LEMD3: variants seen among roughly 807,000 people sequenced by gnomAD.
LEMD3 encodes LEM domain containing 3.
LEMD3 carries 33 observed loss-of-function variants against 95.2 expected under a neutral mutation model. The observed-to-expected ratio is 0.35, with a 90% CI of 0.26 to 0.46. The LOEUF (loss-of-function observed/expected upper bound fraction) is 0.46, where lower values mean the gene tolerates loss of function less well. Ranked by LOEUF, LEMD3 falls within the 20% of genes least tolerant of loss-of-function variation. The probability of loss-of-function intolerance (pLI) is 1.00; values close to 1 mark genes in which losing one functional copy is unlikely to be tolerated. For synonymous variants in LEMD3, 525 were observed against 474.6 expected, an observed-to-expected ratio of 1.11 and a Z score of -1.38; for missense variants, 1,210 against 1,192.8, an observed-to-expected ratio of 1.01 and a Z score of -0.21.
chr12:65,182,148 T>C (rs1251730107), intron 1 of LEMD3, among the ~76,000 whole-genome samples: 1 of 152,180 alleles, frequency 6.6e-6, no homozygotes, highest in Non-Finnish European at 1.5e-5. Flanking sequence ...GATCTAACTT[T>C]AGAGTTCACA....
intron 1 of LEMD3, among the ~76,000 whole-genome samples, chr12:65,184,099 T>C (rs183860219): frequency 7.5e-4 from 114 of 152,310 alleles, no homozygotes; most frequent in Admixed American, 3.5e-3. Context: ...AAGTTCTTAT[T>C]CATCATGCTC....
intron 4 of LEMD3, among the ~76,000 whole-genome samples, chr12:65,229,784 C>G (rs968456537): frequency 6.6e-5 from 10 of 152,188 alleles, no homozygotes; most frequent in Non-Finnish European, 1.5e-4. Flanking sequence ...CCCCATTCTA[C>G]TAGTCATCTC....
intron 1 of LEMD3, among the ~76,000 whole-genome samples, chr12:65,193,775 T>TGTGTGTGTGTGG (rs61507306): frequency 6.9e-6 from 1 of 145,048 alleles, no homozygotes; most frequent in African/African-American, 2.5e-5. Flanking sequence ...TGTGTGTGTG[T>TGTGTGTGTGTGG]TGGGGGAGGG....
rs931065318 is a variant in LEMD3, at chr12:65,245,544, A to G, written c.2388-125A>G. 4.1e-6 allele frequency: 3 copies of G among 735,530 alleles called. No homozygotes were observed. The South Asian group carries it at 4.6e-5, about 11-fold the overall frequency. The allele number at this position is 735,530 out of a possible 1,614,324, so 45.6% of individuals were successfully genotyped here. A position where few individuals can be genotyped will look rare whatever the true frequency, so the allele number is the denominator to read the frequency against. ...GTCAACAAGCATTTACTTAATACCA[A>G]TTAAAATCGTATGTGGTTTTAAAAC... On this transcript the variant is annotated intron_variant, in intron 10 of 12. Coordinates refer to ENST00000308330, the MANE Select transcript of LEMD3 (RefSeq NM_014319.5).
At position 65,170,453 on chromosome 12, in the gene LEMD3, C is replaced by T. The variant is rs769441217; in HGVS notation, c.857C>T (p.Pro286Leu). 3.1e-6 allele frequency: 5 copies of T among 1,613,692 alleles called. No individual in the cohort carries two copies. Among genetic ancestry groups the T allele is most frequent in the Non-Finnish European group, 4.2e-6 (5 of 1,179,920 alleles). Reference sequence around the variant, plus strand: ...GACGACTCCCTTTCCCGGCATCGGCCCAGACGAACCCATAGTAAGCCTCTC... The same window carrying T: ...GACGACTCCCTTTCCCGGCATCGGCTCAGACGAACCCATAGTAAGCCTCTC... ...LKDDSLSRHRPRRTHSKPLPP... is the reference protein window; with the variant it reads ...LKDDSLSRHRLRRTHSKPLPP... The change falls in exon 1 of 13, where the codon CCC (proline) becomes CTC (leucine). Residue 286 changes from proline to leucine, a missense_variant. By Grantham distance (98) the Pro-to-Leu change is moderately conservative. This residue lies in a region of LEMD3 where 749 missense variants were observed against 622.9 expected (regional missense o/e 1.20). Transcript: ENST00000308330.
chr12:65,199,656 G>C lies in LEMD3; in HGVS notation c.1523-11270G>C, dbSNP rs146809610. Among the ~76,000 whole-genome samples the C allele has an allele frequency of 1.7e-3, 265 of 152,172 alleles. 3 individuals carry two copies. The East Asian group carries it at 0.019, about 11-fold the overall frequency. On this transcript the variant is annotated intron_variant, in intron 1 of 12. Coordinates refer to ENST00000308330, the MANE Select transcript of LEMD3 (RefSeq NM_014319.5). ...GAATCTTCTAGGTCTTTGCAAAAGA[G>C]AGGGAACTTTTCTTTTTCAGTTTTC...
At chr12:65,198,886 G>A (rs989337614) in intron 1 of LEMD3, among the ~76,000 whole-genome samples, 5 of 152,022 alleles carry the variant, frequency 3.3e-5, no homozygotes, top group African/African-American at 9.7e-5. Context: ...GTTCTTGAAT[G>A]CAGAACACAC....
intron 10 of LEMD3, among the ~76,000 whole-genome samples, chr12:65,244,381 A>G (rs1871032984): frequency 6.6e-6 from 1 of 151,374 alleles, no homozygotes; most frequent in South Asian, 2.1e-4. Flanking sequence ...ATCTTACCTC[A>G]TGCCTTAGGA....
At chr12:65,199,020 C>T (rs938885994) in intron 1 of LEMD3, among the ~76,000 whole-genome samples, 1 of 152,028 alleles carries the variant, frequency 6.6e-6, no homozygotes, top group African/African-American at 2.4e-5. Flanking sequence ...TTTTGAGCTG[C>T]CGGGACTTAC....
intron 1 of LEMD3, among the ~76,000 whole-genome samples, chr12:65,178,275 A>G (rs996981252): frequency 6.6e-6 from 1 of 152,176 alleles, no homozygotes; most frequent in Non-Finnish European, 1.5e-5. Context: ...GGATTTGCAT[A>G]TACCAGTTTG....
chr12:65,209,803 CT>C (rs1407365476), intron 1 of LEMD3, among the ~76,000 whole-genome samples: 1 of 151,970 alleles, frequency 6.6e-6, no homozygotes, highest in Admixed American at 6.6e-5. Flanking sequence ...CTCACATGAA[CT>C]TTCTTAGAAT....
In LEMD3 at chr12:65,170,771, A is replaced by G. The variant is rs2136313475; in HGVS notation, c.1175A>G (p.His392Arg). 6.2e-7 allele frequency: 1 copy of G among 1,614,124 alleles called. No individual in the cohort carries two copies. Among genetic ancestry groups the G allele is most frequent in the East Asian group, 2.2e-5 (1 of 44,882 alleles). The change falls in exon 1 of 13, where the codon CAT (histidine) becomes CGT (arginine). Residue 392 changes from histidine to arginine, a missense_variant. His to Arg is a conservative substitution (Grantham distance 29). Coordinates refer to ENST00000308330, the MANE Select transcript of LEMD3 (RefSeq NM_014319.5). ...GGCTCCCTTCTGAAAACCAATAATC[A>G]TATTGGCGGTGGGGCCTTCAGTGTG... ...STGSLLKTNN[H>R]IGGGAFSVDS...
At chr12:65,189,693 A>G (rs897232511) in intron 1 of LEMD3, among the ~76,000 whole-genome samples, 6 of 152,202 alleles carry the variant, frequency 3.9e-5, no homozygotes, top group African/African-American at 9.6e-5. Context: ...CAATAAGACT[A>G]ATTTGTTTGC....
Position 65,245,916 on chromosome 12 carries a change from C to T in LEMD3, c.2549C>T (p.Ala850Val). 6.2e-7 allele frequency: 1 copy of T among 1,611,812 alleles called. No individual in the cohort carries two copies. Among genetic ancestry groups the T allele is most frequent in the Non-Finnish European group, 8.5e-7 (1 of 1,178,462 alleles). The change falls in exon 12 of 13, where the codon GCA (alanine) becomes GTA (valine). Residue 850 changes from alanine to valine, a missense_variant. Transcript: ENST00000308330. ...GAATATGCTGGAAAGGCTTTTAAAG[C>T]ATTGCATGGCTCTTGGTTTGATGGT... The part of the protein sequence containing the change: ...SPEYAGKAFK[A>V]LHGSWFDGKL...
intron 1 of LEMD3, among the ~76,000 whole-genome samples, chr12:65,209,189 G>A (rs887299252): frequency 1.3e-5 from 2 of 152,110 alleles, no homozygotes; most frequent in African/African-American, 4.8e-5. Context: ...GCCCACAGTA[G>A]AGCAGTGTGG....
At chr12:65,197,857 T>A (rs750461429) in intron 1 of LEMD3, among the ~76,000 whole-genome samples, 1 of 152,150 alleles carries the variant, frequency 6.6e-6, no homozygotes, top group Non-Finnish European at 1.5e-5. Flanking sequence ...TAAGTCTTAC[T>A]CATTTTATTT....
intron 4 of LEMD3, among the ~76,000 whole-genome samples, chr12:65,219,584 C>T (rs377637150): frequency 4.6e-5 from 7 of 152,120 alleles, no homozygotes; most frequent in Non-Finnish European, 8.8e-5. Flanking sequence ...AAATATATAA[C>T]GTGAAATCTG....
At chr12:65,189,156 G>T (rs1318347155) in intron 1 of LEMD3, among the ~76,000 whole-genome samples, 1 of 152,104 alleles carries the variant, frequency 6.6e-6, no homozygotes, top group Non-Finnish European at 1.5e-5. Context: ...TGCGAATATG[G>T]TCTCTCTCAA....
intron 1 of LEMD3, among the ~76,000 whole-genome samples, chr12:65,201,552 A>G (rs908319551): frequency 6.6e-6 from 1 of 152,110 alleles, no homozygotes; most frequent in East Asian, 1.9e-4. Flanking sequence ...GGAGGATGCT[A>G]ATGTAAATGG....
Sources: allele counts gnomAD v4.1 joint callset (sites outside exome capture counted in the v4.1 genomes callset), GRCh38; gene constraint gnomAD v4.1.1; regional missense constraint gnomAD v4.1.1; transcripts MANE v1.5; gene names NCBI Gene and HGNC (gene_info 2026-07-23, HGNC 2026-07-21).